TAX1BP1: variants seen among roughly 807,000 people sequenced by gnomAD.
TAX1BP1 encodes the protein Tax1 binding protein 1.
TAX1BP1 carries 62 observed loss-of-function variants against 97.7 expected under a neutral mutation model. That is an observed-to-expected ratio of 0.63 (90% confidence interval 0.52 to 0.78). The LOEUF (loss-of-function observed/expected upper bound fraction) is 0.78. Ranked by LOEUF, TAX1BP1 falls within the 30% of genes least tolerant of loss-of-function variation. TAX1BP1 has a pLI of 0.00. For synonymous variants in TAX1BP1, 340 were observed against 304.2 expected (o/e 1.12, Z -1.23); for missense variants, 867 against 916.1 (o/e 0.95, Z 0.69).
chr7:27,783,810 CT>C (rs1436646377), intron 5 of TAX1BP1, among the ~76,000 whole-genome samples: 1 of 152,112 alleles, frequency 6.6e-6, no homozygotes, highest in African/African-American at 2.4e-5. Flanking sequence ...CTCTGGCCAT[CT>C]TTATAAATCA....
intron 15 of TAX1BP1, among the ~76,000 whole-genome samples, chr7:27,822,882 G>A (rs983944896): frequency 2.0e-5 from 3 of 151,930 alleles, no homozygotes; most frequent in Non-Finnish European, 2.9e-5. Context: ...TAATTTACTC[G>A]TATGTTTTCT....
intron 9 of TAX1BP1, among the ~76,000 whole-genome samples, chr7:27,792,604 A>C (rs541443970): frequency 1.3e-5 from 2 of 152,280 alleles, no homozygotes; most frequent in African/African-American, 4.8e-5. Context: ...AATGAACCTT[A>C]GTCCTAAGAA....
At chr7:27,779,371 A>G (rs1038986214) in intron 5 of TAX1BP1, among the ~76,000 whole-genome samples, 2 of 152,098 alleles carry the variant, frequency 1.3e-5, no homozygotes, top group Admixed American at 1.3e-4. Flanking sequence ...ATCCTCTACC[A>G]TATGTATTTG....
rs1178234301 is a variant in TAX1BP1, at chr7:27,827,655, C to T, written c.2086-83C>T. 8.6e-6 allele frequency: 9 copies of T among 1,046,726 alleles called. No individual in the cohort carries two copies. In the East Asian group the frequency reaches 9.7e-5, roughly 11 times the overall value. 64.8% of individuals were successfully genotyped at this position (1,046,726 alleles called of 1,614,324 possible). ...TCCTGAAGTGTAATCTTCTTTTATA[C>T]TGTCAGTATGTGCTTGATTGAATTA... On this transcript the variant is annotated intron_variant, in intron 15 of 16. Coordinates refer to ENST00000396319, the MANE Select transcript of TAX1BP1 (RefSeq NM_006024.7).
chr7:27,810,198 C>T (rs112546779), intron 13 of TAX1BP1, among the ~76,000 whole-genome samples: 21,070 of 151,370 alleles, frequency 0.14, 1,731 homozygotes, highest in Middle Eastern at 0.2. Context: ...TGAGCCACCA[C>T]GCACAGCCCT....
At chr7:27,787,690 A>G (rs1288529101) in intron 8 of TAX1BP1, 87 bp downstream of exon 8, 2 of 1,254,290 alleles carry the variant, frequency 1.6e-6, no homozygotes, top group African/African-American at 1.5e-5. Flanking sequence ...AATTCCCCCA[A>G]GCTTTTGTTC....
intron 13 of TAX1BP1, among the ~76,000 whole-genome samples, chr7:27,815,726 C>T (rs889665545): frequency 2.6e-5 from 4 of 152,204 alleles, no homozygotes; most frequent in African/African-American, 7.2e-5. Flanking sequence ...ATAGAATTCA[C>T]GTTTTTCTTT....
chr7:27,791,006 G>A (rs547718742), intron 8 of TAX1BP1, among the ~76,000 whole-genome samples: 211 of 151,924 alleles, frequency 1.4e-3, no homozygotes, highest in African/African-American at 4.3e-3. Context: ...CTTTTGTTTT[G>A]TTTCTCCTTA....
intron 13 of TAX1BP1, among the ~76,000 whole-genome samples, chr7:27,805,390 A>G (rs1362146415): frequency 6.6e-6 from 1 of 152,134 alleles, no homozygotes; most frequent in East Asian, 1.9e-4. Flanking sequence ...TTTGTGATAC[A>G]TATGTGGTAA....
intron 15 of TAX1BP1, among the ~76,000 whole-genome samples, chr7:27,822,999 A>G (rs567165417): frequency 6.6e-6 from 1 of 152,284 alleles, no homozygotes; most frequent in East Asian, 1.9e-4. Context: ...CAGATGTGCA[A>G]AATTATTTTT....
At chr7:27,786,533 A>G (rs887613581) in intron 7 of TAX1BP1, among the ~76,000 whole-genome samples, 6 of 152,194 alleles carry the variant, frequency 3.9e-5, no homozygotes, top group Non-Finnish European at 7.3e-5. Flanking sequence ...GCTCATAAGC[A>G]TTTCCTGAAG....
chr7:27,780,784 T>G (rs1275454046), intron 5 of TAX1BP1, among the ~76,000 whole-genome samples: 1 of 152,164 alleles, frequency 6.6e-6, no homozygotes, highest in Non-Finnish European at 1.5e-5. Context: ...GTACCTGCTT[T>G]ACAAAGTAAT....
At chr7:27,814,805 G>A (rs903553292) in intron 13 of TAX1BP1, among the ~76,000 whole-genome samples, 3 of 151,492 alleles carry the variant, frequency 2.0e-5, no homozygotes, top group Non-Finnish European at 2.9e-5. Context: ...GCGCGATCTC[G>A]GCTCACTGTA....
intron 13 of TAX1BP1, among the ~76,000 whole-genome samples, chr7:27,800,879 C>T (rs981617794): frequency 5.3e-5 from 8 of 151,792 alleles, no homozygotes; most frequent in South Asian, 2.1e-4. Context: ...CTGAGGCGGG[C>T]GGATCACGAG....
intron 2 of TAX1BP1, among the ~76,000 whole-genome samples, chr7:27,754,960 T>C (rs574675313): frequency 1.1e-3 from 161 of 152,336 alleles, no homozygotes; most frequent in African/African-American, 3.7e-3. Flanking sequence ...TTTTTTCACT[T>C]AATCACTTAC....
At chr7:27,797,858 T>C (rs891509497) in intron 12 of TAX1BP1, among the ~76,000 whole-genome samples, 1 of 149,408 alleles carries the variant, frequency 6.7e-6, no homozygotes, top group African/African-American at 2.5e-5. Context: ...TTTTTTTTTT[T>C]AAACAACCAT....
intron 15 of TAX1BP1, 25 bp downstream of exon 15, chr7:27,817,063 G>T (rs1257666830): frequency 1.9e-6 from 3 of 1,588,734 alleles, no homozygotes; most frequent in African/African-American, 1.4e-5. Flanking sequence ...CATTGTGTGA[G>T]CCTGTCCCTT....
At chr7:27,801,480 A>G (rs943851466) in intron 13 of TAX1BP1, among the ~76,000 whole-genome samples, 2 of 152,224 alleles carry the variant, frequency 1.3e-5, no homozygotes, top group Admixed American at 1.3e-4. Context: ...ATGAATTCAT[A>G]TGAAAAGAAT....
intron 15 of TAX1BP1, among the ~76,000 whole-genome samples, chr7:27,822,620 C>T (rs1459296300): frequency 1.3e-5 from 2 of 152,174 alleles, no homozygotes; most frequent in East Asian, 1.9e-4. Flanking sequence ...AAGCATCTTT[C>T]ATGTGCTTGC....
Sources: allele counts gnomAD v4.1 joint callset (sites outside exome capture counted in the v4.1 genomes callset), GRCh38; gene constraint gnomAD v4.1.1; transcripts MANE v1.5; gene names NCBI Gene and HGNC (gene_info 2026-07-23, HGNC 2026-07-21).